HGD: variants seen among roughly 807,000 people sequenced by gnomAD.
HGD encodes homogentisate oxidase.
In HGD, 61 loss-of-function variants were observed where a neutral mutation model predicts 60.8. That is an observed-to-expected ratio of 1.00 (90% CI 0.82 to 1.24). The LOEUF (loss-of-function observed/expected upper bound fraction) is 1.24, where lower values mean the gene tolerates loss of function less well. HGD is among the 50% of genes most tolerant of loss of function. The pLI is 0.00. For synonymous variants in HGD, 212 were observed against 187.7 expected (o/e 1.13, Z -1.06); for missense variants, 542 against 547.1 (o/e 0.99, Z 0.09).
chr3:120,644,330 C>A lies in HGD; in HGVS notation c.763G>T (p.Ala255Ser). ...VINKYQGKLF[A>S]AKQDVSPFNV... Reference sequence around the variant, plus strand: ...CCCTTTTACTTTACCTGTTTGGCAGCAAACAGCTTGCCCTGGTATTTATTA... The same window carrying A: ...CCCTTTTACTTTACCTGTTTGGCAGAAAACAGCTTGCCCTGGTATTTATTA... The change falls in exon 10 of 14, where the codon GCT becomes TCT. Residue 255 changes from alanine to serine, a missense_variant. Ala to Ser is a moderately conservative substitution (Grantham distance 99). Coordinates refer to ENST00000283871, the MANE Select transcript of HGD (RefSeq NM_000187.4). The A allele has an allele frequency of 6.2e-7, 1 of 1,614,090 alleles. No individual in the cohort carries two copies. The highest frequency in any genetic ancestry group is 8.5e-7 in the Non-Finnish European group (1 of 1,180,008).
intron 4 of HGD, among the ~76,000 whole-genome samples, chr3:120,658,484 G>A (rs1941566676): frequency 6.6e-6 from 1 of 152,204 alleles, no homozygotes; most frequent in Admixed American, 6.5e-5. Flanking sequence ...CCCCACTCAG[G>A]TGGCTTTGCA....
intron 1 of HGD, 139 bp from the exon 2 acceptor site, chr3:120,676,002 G>C (rs1708123527): frequency 1.4e-5 from 10 of 733,026 alleles, no homozygotes; most frequent in Non-Finnish European, 2.5e-5. Context: ...TCTTTACTGT[G>C]TCTTGACATA....
intron 9 of HGD, 99 bp from the exon 10 acceptor site, chr3:120,644,542 C>A (rs770892279): frequency 6.9e-6 from 11 of 1,591,174 alleles, no homozygotes; most frequent in Non-Finnish European, 9.4e-6. Flanking sequence ...ATGTCAAGAG[C>A]TACTCCACAA....
At chr3:120,641,202 T>G (rs1286065284) in intron 11 of HGD, among the ~76,000 whole-genome samples, 1 of 152,198 alleles carries the variant, frequency 6.6e-6, no homozygotes, top group Admixed American at 6.5e-5. Context: ...AGGAGGCTCT[T>G]GAGAGTTGTG....
At chr3:120,678,251 C>T (rs139906580) in intron 1 of HGD, among the ~76,000 whole-genome samples, 212 of 152,336 alleles carry the variant, frequency 1.4e-3, no homozygotes, top group South Asian at 6.0e-3. Context: ...ACCCCATGCT[C>T]ACCATCAACG....
At position 120,628,501 on chromosome 3, in the gene HGD, A is replaced by T; in HGVS notation, c.1217T>A (p.Leu406Gln). The change falls in exon 14 of 14, where the codon CTG becomes CAG. Residue 406 changes from leucine (L) to glutamine (Q), a missense_variant. Transcript: ENST00000283871. ...MAFMFESSLS[L>Q]AVTKWGLKAS... is the part of the protein sequence containing the mutation. Reference sequence around the variant, plus strand: ...CTTGAGTCCCCACTTTGTGACCGCCAGACTTAAAGATGATTCAAACATAAA... The same window carrying T: ...CTTGAGTCCCCACTTTGTGACCGCCTGACTTAAAGATGATTCAAACATAAA... The T allele has an allele frequency of 6.2e-7, 1 of 1,614,132 alleles. No homozygotes were observed. Among genetic ancestry groups the T allele is most frequent in the Middle Eastern group, 1.7e-4 (1 of 6,056 alleles).
chr3:120,651,796 A>G (rs1161088152), intron 5 of HGD, among the ~76,000 whole-genome samples: 1 of 152,136 alleles, frequency 6.6e-6, no homozygotes, highest in Non-Finnish European at 1.5e-5. Flanking sequence ...TGGGACCTAT[A>G]ACTACCAAAC....
Position 120,650,876 on chromosome 3 carries a change from C to T in HGD, c.343-11G>A, listed in dbSNP as rs143223637. 7.6e-4 allele frequency: 1,223 copies of T among 1,605,260 alleles called. 3 individuals carry two copies. In the African/African-American group the frequency reaches 0.015, roughly 20 times the overall value. The stretch of plus-strand genomic sequence containing the variant: ...CAAGGTATGCAGGCCCTGGGAGAGA[C>T]CCACAGAAGAGGGAAAGGTTAATGT... On this transcript the variant is annotated splice_polypyrimidine_tract_variant and intron_variant, in intron 5 of 13. Coordinates refer to ENST00000283871, the MANE Select transcript of HGD (RefSeq NM_000187.4).
chr3:120,640,277 G>A (rs1940928333), intron 11 of HGD, among the ~76,000 whole-genome samples: 1 of 151,558 alleles, frequency 6.6e-6, no homozygotes, highest in Non-Finnish European at 1.5e-5. Flanking sequence ...GACTAAGGAA[G>A]TGGGAAGGAA....
At chr3:120,641,453 A>G (rs1940975634) in intron 11 of HGD, 136 bp downstream of exon 11, 2 of 718,588 alleles carry the variant, frequency 2.8e-6, no homozygotes, top group East Asian at 5.0e-5. Context: ...TCCCTCACCA[A>G]AGGACAAATG....
chr3:120,650,119 C>A (rs973825202), intron 6 of HGD, among the ~76,000 whole-genome samples: 1 of 152,206 alleles, frequency 6.6e-6, no homozygotes, highest in Non-Finnish European at 1.5e-5. Flanking sequence ...GTCTGTTGTG[C>A]ACATTTTAAA....
intron 12 of HGD, among the ~76,000 whole-genome samples, chr3:120,637,691 A>G (rs1415828601): frequency 6.6e-6 from 1 of 152,096 alleles, no homozygotes; most frequent in African/African-American, 2.4e-5. Flanking sequence ...CTTTCCCAAA[A>G]CAACAGACTA....
chr3:120,635,100 A>G (rs1015140747), intron 12 of HGD, among the ~76,000 whole-genome samples: 8 of 152,246 alleles, frequency 5.3e-5, no homozygotes, highest in Non-Finnish European at 8.8e-5. Flanking sequence ...GAATTTAGAT[A>G]GCAGTGAGCT....
intron 4 of HGD, among the ~76,000 whole-genome samples, chr3:120,666,078 G>T (rs1250882776): frequency 6.6e-6 from 1 of 152,174 alleles, no homozygotes; most frequent in East Asian, 1.9e-4. Context: ...CAAAAGGGTA[G>T]ATTTTGCAAG....
chr3:120,659,110 C>T (rs939093147), intron 4 of HGD, among the ~76,000 whole-genome samples: 1 of 152,218 alleles, frequency 6.6e-6, no homozygotes, highest in East Asian at 1.9e-4. Context: ...TTTATTTATG[C>T]AAATTTCTGC....
intron 4 of HGD, among the ~76,000 whole-genome samples, chr3:120,658,280 A>G (rs528641554): frequency 6.6e-6 from 1 of 152,386 alleles, no homozygotes; most frequent in South Asian, 2.1e-4. Context: ...CAATGGGGGT[A>G]TAGACATTAG....
chr3:120,632,742 A>G (rs1210060509), intron 13 of HGD, among the ~76,000 whole-genome samples: 1 of 152,208 alleles, frequency 6.6e-6, no homozygotes, highest in East Asian at 1.9e-4. Context: ...GGCTTCACAT[A>G]GTATTAATAA....
chr3:120,657,174 T>C (rs139515600), intron 4 of HGD, among the ~76,000 whole-genome samples: 9 of 152,330 alleles, frequency 5.9e-5, no homozygotes, highest in African/African-American at 2.2e-4. Context: ...ATGAGTTCTA[T>C]TGGAAGATAA....
At chr3:120,678,807 G>A (rs1034093265) in intron 1 of HGD, among the ~76,000 whole-genome samples, 3 of 152,148 alleles carry the variant, frequency 2.0e-5, no homozygotes, top group African/African-American at 7.2e-5. Flanking sequence ...TGCCCCTCAC[G>A]GCCAAAGGCA....
Sources: gnomAD v4.1 joint callset for allele counts (sites outside exome capture counted in the v4.1 genomes callset) on GRCh38, gnomAD v4.1.1 for gene constraint, MANE v1.5 for transcripts, NCBI Gene and HGNC (gene_info 2026-07-23, HGNC 2026-07-21) for gene names.